Variants in TBXAS1 observed in about 807,000 individuals in gnomAD.
The protein encoded by TBXAS1 is thromboxane A synthase 1, also known as thromboxane-A synthase.
In TBXAS1, 48 loss-of-function variants were observed where a neutral mutation model predicts 60.7. That is an observed-to-expected ratio of 0.79 (90% confidence interval 0.63 to 1.01). The LOEUF is 1.01. TBXAS1 is among the 50% of genes least tolerant of loss of function. The pLI is 0.00. For missense variants in TBXAS1, 685 were observed against 686.3 expected, an observed-to-expected ratio of 1.00 and a Z score of 0.02; for synonymous variants, 287 against 269.7, an observed-to-expected ratio of 1.06 and a Z score of -0.63.
intron 9 of TBXAS1, among the ~76,000 whole-genome samples, chr7:139,994,917 G>T (rs1813187447): frequency 6.6e-6 from 1 of 152,226 alleles, no homozygotes; most frequent in Non-Finnish European, 1.5e-5. Flanking sequence ...CCTGACGACA[G>T]TGGGGGACTG....
chr7:139,955,225 G>T (rs1277159030), intron 6 of TBXAS1, among the ~76,000 whole-genome samples: 3 of 152,142 alleles, frequency 2.0e-5, no homozygotes, highest in Non-Finnish European at 4.4e-5. Flanking sequence ...TCTTTGTTTA[G>T]ACGCCAGGTC....
intron 1 of TBXAS1, among the ~76,000 whole-genome samples, chr7:139,847,077 C>T (rs2214758): frequency 8.1e-4 from 123 of 152,232 alleles, no homozygotes; most frequent in African/African-American, 2.6e-3. Context: ...GCTATTAGTC[C>T]ATTGATGGCA....
At chr7:139,912,425 C>T (rs1569512624) in intron 4 of TBXAS1, among the ~76,000 whole-genome samples, 1 of 152,176 alleles carries the variant, frequency 6.6e-6, no homozygotes, top group Non-Finnish European at 1.5e-5. Context: ...CTCAGAGAAT[C>T]ACCTTGCCAA....
chr7:139,872,524 C>T (rs1194295205), intron 2 of TBXAS1, among the ~76,000 whole-genome samples, 196 bp downstream of exon 2: 2 of 152,108 alleles, frequency 1.3e-5, no homozygotes, highest in Non-Finnish European at 2.9e-5. Context: ...CATGGTGGCT[C>T]ATGCCTGTAA....
chr7:139,962,461 G>C (rs949242545), intron 9 of TBXAS1: 12 of 492,214 alleles, frequency 2.4e-5, no homozygotes, highest in Non-Finnish European at 4.0e-5. Context: ...CACCTTCACT[G>C]TCTGGGGTAG....
chr7:139,784,314 C>G (rs1797114183), intron 3 of TBXAS1, among the ~76,000 whole-genome samples: 1 of 151,664 alleles, frequency 6.6e-6, no homozygotes, highest in Admixed American at 6.6e-5. Flanking sequence ...AAATGTTCAG[C>G]TACAGCTTAC....
intron 1 of TBXAS1, among the ~76,000 whole-genome samples, chr7:139,865,843 AGAAGGAAGGAGGGAGGGAG>A (rs1307565725): frequency 2.1e-5 from 2 of 93,152 alleles, no homozygotes; most frequent in Admixed American, 2.3e-4. Context: ...GGGGAAAGGA[AGAAGGAAGGAGGGAGGGAG>A]GAAGGAAGGA....
intron 3 of TBXAS1, among the ~76,000 whole-genome samples, chr7:139,905,051 C>CTT (rs1272859272): frequency 5.9e-5 from 5 of 84,728 alleles, no homozygotes; most frequent in African/African-American, 3.0e-4. Flanking sequence ...TTCTTTCTTT[C>CTT]TTTCTTTCTC....
intron 4 of TBXAS1, among the ~76,000 whole-genome samples, chr7:139,935,103 C>A (rs1475509856): frequency 6.6e-6 from 1 of 152,212 alleles, no homozygotes; most frequent in African/African-American, 2.4e-5. Context: ...CGTGAGCCAC[C>A]ACTCTCAGCC....
At chr7:139,865,680 A>AGAGGAGGAGGAGGAAGAG (rs1348424029) in intron 1 of TBXAS1, among the ~76,000 whole-genome samples, 5 of 15,784 alleles carry the variant, frequency 3.2e-4, no homozygotes, top group African/African-American at 5.3e-4. Context: ...AGGAGGAGGA[A>AGAGGAGGAGGAGGAAGAG]GAGGAGGAGG....
intron 10 of TBXAS1, among the ~76,000 whole-genome samples, chr7:140,009,481 G>C (rs1215651126): frequency 1.3e-5 from 2 of 152,098 alleles, no homozygotes; most frequent in African/African-American, 4.8e-5. Context: ...TGTGTGCAGG[G>C]AGGAGCGCCG....
rs1798576629 is a variant in TBXAS1, at chr7:139,829,582, T to C, written c.89+103T>C. The C allele has an allele frequency of 4.6e-6, 5 of 1,091,006 alleles. 1 individual carries two copies. The South Asian group carries it at 5.3e-5, about 12-fold the overall frequency. 67.6% of individuals were successfully genotyped at this position (1,091,006 alleles called of 1,614,324 possible). A position where few individuals can be genotyped will look rare whatever the true frequency, so the allele number is the denominator to read the frequency against. The stretch of plus-strand genomic sequence containing the variant: ...ATGTGGGAGTGTGTTTTTCTTCTTT[T>C]CTAATCTAGCGGGAGTGAGTATTAA... On this transcript the variant is annotated intron_variant, in intron 1 of 12. Transcript: ENST00000448866.
At chr7:139,891,236 A>AAT (rs556112739) in intron 3 of TBXAS1, among the ~76,000 whole-genome samples, 24 of 149,876 alleles carry the variant, frequency 1.6e-4, no homozygotes, top group African/African-American at 4.4e-4. Flanking sequence ...CTATGATTAT[A>AAT]ATATATATAT....
intron 1 of TBXAS1, among the ~76,000 whole-genome samples, chr7:139,854,741 TC>T: frequency 6.6e-6 from 1 of 152,298 alleles, no homozygotes. Context: ...AAGATGGTCA[TC>T]AATTTAGAAG....
chr7:139,908,615 T>A (rs1235342400), intron 3 of TBXAS1, among the ~76,000 whole-genome samples: 1 of 152,190 alleles, frequency 6.6e-6, no homozygotes. Flanking sequence ...TTTAGCCTCC[T>A]TACTTTTAAA....
In TBXAS1 at chr7:139,892,081, C is replaced by A. The variant is rs1031161514; in HGVS notation, c.236+16444C>A. Among the ~76,000 whole-genome samples the A allele has an allele frequency of 2.6e-5, 4 of 152,176 alleles. No individual in the cohort carries two copies. The East Asian group carries it at 7.7e-4, about 29-fold the overall frequency. On this transcript the variant is annotated intron_variant, in intron 3 of 12. Coordinates refer to ENST00000448866, the MANE Select transcript of TBXAS1 (RefSeq NM_001061.7). ...ATGTTCTCCTGATACACTAGCTGGG[C>A]TCCACTCACCCAAGTCATTAATTGG...
At position 139,905,049 on chromosome 7, in the gene TBXAS1, TTCTTTCTTTC is replaced by T. The variant is rs1224024482; in HGVS notation, c.237-6172_237-6163del. ...TTTCTTTCTTTCTTTCTTTCTTTCT[TTCTTTCTTTC>T]TCTCTCTCTCTCTCTCTTTCTCTTT... is the stretch of plus-strand genomic sequence containing the variant. On this transcript the variant is annotated intron_variant, in intron 3 of 12. Coordinates refer to ENST00000448866, the MANE Select transcript of TBXAS1 (RefSeq NM_001061.7). 8.0e-4 allele frequency among the ~76,000 whole-genome samples: 72 copies of T among 90,162 alleles called. 1 individual carries two copies. Among genetic ancestry groups the T allele is most frequent in the South Asian group, 1.7e-3 (4 of 2,356 alleles). The allele number at this position is 90,162 out of a possible 152,430, so 59.1% of individuals were successfully genotyped here. A position where few individuals can be genotyped will look rare whatever the true frequency, so the allele number is the denominator to read the frequency against.
At chr7:139,851,187 G>C (rs961838716) in intron 1 of TBXAS1, among the ~76,000 whole-genome samples, 6 of 152,164 alleles carry the variant, frequency 3.9e-5, no homozygotes, top group African/African-American at 1.4e-4. Context: ...TCATCTCTTA[G>C]CTGCAATAAT....
At chr7:139,876,353 G>A (rs2116839715) in intron 3 of TBXAS1, among the ~76,000 whole-genome samples, 1 of 152,292 alleles carries the variant, frequency 6.6e-6, no homozygotes, top group Admixed American at 6.5e-5. Context: ...GATTTAACAG[G>A]CTTGAATTGT....
Sources: gnomAD v4.1 joint callset for allele counts (sites outside exome capture counted in the v4.1 genomes callset) on GRCh38, gnomAD v4.1.1 for gene constraint, MANE v1.5 for transcripts, NCBI Gene and HGNC (gene_info 2026-07-23, HGNC 2026-07-21) for gene names.